Variants in IL1RAP observed in about 807,000 individuals in gnomAD.
IL1RAP encodes interleukin 1 receptor accessory protein.
In IL1RAP, 35 loss-of-function variants were observed where a neutral mutation model predicts 60.7. The ratio of observed to expected loss-of-function variants is 0.58; its 90% CI spans 0.44 to 0.76. IL1RAP has a LOEUF of 0.76. IL1RAP is among the 30% of genes least tolerant of loss of function. IL1RAP has a pLI of 0.00. For synonymous variants in IL1RAP, 268 were observed against 250.9 expected (o/e 1.07, Z -0.64); for missense variants, 572 against 693.9 (o/e 0.82, Z 1.97).
At chr3:190,608,632 A>G (rs758036604) in intron 4 of IL1RAP, among the ~76,000 whole-genome samples, 1 of 151,688 alleles carries the variant, frequency 6.6e-6, no homozygotes, top group Non-Finnish European at 1.5e-5. Flanking sequence ...TCAATAAACA[A>G]TAGAAATTCT....
At chr3:190,630,834 T>C (rs1266943859) in intron 9 of IL1RAP, among the ~76,000 whole-genome samples, 1 of 152,204 alleles carries the variant, frequency 6.6e-6, no homozygotes, top group Non-Finnish European at 1.5e-5. Flanking sequence ...CTGTGAAAAG[T>C]AAATCTCTCT....
At chr3:190,598,187 C>G (rs1230738514) in intron 3 of IL1RAP, among the ~76,000 whole-genome samples, 2 of 152,154 alleles carry the variant, frequency 1.3e-5, no homozygotes, top group Non-Finnish European at 2.9e-5. Context: ...GTGCAGTCTT[C>G]AGGGAGATGC....
At chr3:190,527,009 C>T (rs1722568853) in intron 1 of IL1RAP, among the ~76,000 whole-genome samples, 3 of 152,160 alleles carry the variant, frequency 2.0e-5, no homozygotes, top group Admixed American at 2.0e-4. Flanking sequence ...CGCTTTTTTC[C>T]TCCATACATC....
At chr3:190,524,679 C>A (rs367839124) in intron 1 of IL1RAP, among the ~76,000 whole-genome samples, 1 of 152,010 alleles carries the variant, frequency 6.6e-6, no homozygotes, top group African/African-American at 2.4e-5. Flanking sequence ...TGCTGTATCC[C>A]AAGTGCCTAG....
intron 9 of IL1RAP, among the ~76,000 whole-genome samples, chr3:190,639,663 T>A (rs1348516520): frequency 1.3e-5 from 2 of 152,254 alleles, no homozygotes; most frequent in Admixed American, 1.3e-4. Context: ...TATAGCTTTT[T>A]AAAAATTATA....
chr3:190,549,955 C>G (rs1724718792), intron 1 of IL1RAP, among the ~76,000 whole-genome samples: 1 of 152,054 alleles, frequency 6.6e-6, no homozygotes, highest in African/African-American at 2.4e-5. Context: ...AGCAGGCATC[C>G]CTGGTTCCCT....
intron 3 of IL1RAP, among the ~76,000 whole-genome samples, chr3:190,590,623 G>T (rs1281088449): frequency 6.6e-6 from 1 of 152,134 alleles, no homozygotes; most frequent in Non-Finnish European, 1.5e-5. Context: ...CAGCCTCAAG[G>T]ACAAACCCAC....
intron 3 of IL1RAP, among the ~76,000 whole-genome samples, chr3:190,582,662 C>A (rs77824066): frequency 1.6e-4 from 24 of 152,264 alleles, no homozygotes; most frequent in Middle Eastern, 6.8e-3. Flanking sequence ...GCTGTTTCTC[C>A]TTCACTTTTA....
chr3:190,615,444 T>A, intron 5 of IL1RAP: 1 of 440,082 alleles, frequency 2.3e-6, no homozygotes, highest in African/African-American at 2.0e-5. Context: ...ATTACTGTAT[T>A]AATTCTCTTC....
chr3:190,595,119 A>G (rs1238296161), intron 3 of IL1RAP, among the ~76,000 whole-genome samples: 1 of 151,970 alleles, frequency 6.6e-6, no homozygotes, highest in East Asian at 1.9e-4. Context: ...CTTATTTAGC[A>G]TGTCAATTGC....
chr3:190,550,278 A>G (rs1248236820), intron 1 of IL1RAP: 3 of 152,354 alleles, frequency 2.0e-5, no homozygotes, highest in South Asian at 2.1e-4. Flanking sequence ...TCTCACCTCA[A>G]CTGTGCCTTT....
downstream of IL1RAP, among the ~76,000 whole-genome samples, chr3:190,652,254 G>C (rs1577836601): frequency 7.0e-6 from 1 of 143,360 alleles, no homozygotes; most frequent in South Asian, 2.1e-4. Context: ...AAGAGGTCAG[G>C]AGATCGAGAC....
chr3:190,559,432 ATTC>A (rs1221637971), intron 2 of IL1RAP, among the ~76,000 whole-genome samples: 2 of 151,898 alleles, frequency 1.3e-5, no homozygotes, highest in Non-Finnish European at 2.9e-5. Flanking sequence ...TGTTTCATTT[ATTC>A]TTCTTTCTGT....
rs201770814 is a variant in IL1RAP, at chr3:190,587,108, T to C, written c.65-17020T>C. 7.2e-5 allele frequency among the ~76,000 whole-genome samples: 11 copies of C among 152,334 alleles called. No homozygotes were observed. In the East Asian group the frequency reaches 2.1e-3, roughly 29 times the overall value. On this transcript the variant is annotated intron_variant, in intron 3 of 11. Coordinates refer to ENST00000447382, the MANE Select transcript of IL1RAP (RefSeq NM_002182.4). The stretch of plus-strand genomic sequence containing the variant: ...CATGGATTATAAACCCATCATATTA[T>C]AGAGATGGACAGGGTTACAGATCAT...
intron 5 of IL1RAP, 56 bp downstream of exon 5, chr3:190,609,237 C>T: frequency 8.3e-7 from 1 of 1,204,002 alleles, no homozygotes; most frequent in Non-Finnish European, 1.2e-6. Flanking sequence ...AATGATAATG[C>T]TTATTTGCTG....
intron 3 of IL1RAP, among the ~76,000 whole-genome samples, chr3:190,589,425 C>A (rs1236665004): frequency 2.0e-5 from 3 of 151,732 alleles, no homozygotes; most frequent in Non-Finnish European, 4.4e-5. Flanking sequence ...TCACTACCAG[C>A]CATCAAGAAA....
intron 3 of IL1RAP, among the ~76,000 whole-genome samples, chr3:190,576,158 G>GA (rs1318752034): frequency 6.6e-6 from 1 of 152,066 alleles, no homozygotes; most frequent in African/African-American, 2.4e-5. Flanking sequence ...AAGAGTAGTA[G>GA]AAAAAATACA....
In IL1RAP at chr3:190,629,888, A is replaced by AG. The variant is rs533720160; in HGVS notation, c.1051+390_1051+391insG. Reference sequence around the variant, plus strand: ...CCCTTTTAAAAATCATTCATGGTAGACTTCAAGAGTCATAAAAAAGATTGC... The same window carrying AG: ...CCCTTTTAAAAATCATTCATGGTAGAGCTTCAAGAGTCATAAAAAAGATTGC... On this transcript the variant is annotated intron_variant, in intron 9 of 11. Coordinates refer to ENST00000447382, the MANE Select transcript of IL1RAP (RefSeq NM_002182.4). 1.3e-4 allele frequency: 132 copies of AG among 978,638 alleles called. 1 individual carries two copies. In the South Asian group the frequency reaches 4.6e-3, roughly 34 times the overall value. 60.6% of individuals were successfully genotyped at this position (978,638 alleles called of 1,614,324 possible).
chr3:190,635,474 A>G (rs531286561), intron 9 of IL1RAP, among the ~76,000 whole-genome samples: 2 of 152,272 alleles, frequency 1.3e-5, no homozygotes, highest in Non-Finnish European at 2.9e-5. Flanking sequence ...CTTTTCCAAT[A>G]TAAGTATTCT....
Sources: allele counts gnomAD v4.1 joint callset (sites outside exome capture counted in the v4.1 genomes callset), GRCh38; gene constraint gnomAD v4.1.1; transcripts MANE v1.5; gene names NCBI Gene and HGNC (gene_info 2026-07-23, HGNC 2026-07-21).